Variants in STAMBP observed in about 807,000 individuals in gnomAD.
STAMBP encodes STAM-binding protein.
STAMBP carries 31 observed loss-of-function variants against 50.7 expected under a neutral mutation model. That is an observed-to-expected ratio of 0.61 (90% CI 0.46 to 0.83). The LOEUF (loss-of-function observed/expected upper bound fraction) is 0.83. Among genes scored for constraint, STAMBP ranks in the 40% least tolerant of loss-of-function variants. The probability of loss-of-function intolerance (pLI) is 0.00; values close to 1 mark genes in which losing one functional copy is unlikely to be tolerated. For synonymous variants in STAMBP, 211 were observed against 192.4 expected, an observed-to-expected ratio of 1.10 and a Z score of -0.80; for missense variants, 472 against 518.9, an observed-to-expected ratio of 0.91 and a Z score of 0.88.
Position 73,857,995 on chromosome 2 carries a change from T to C in STAMBP, c.1006-1259T>C, listed in dbSNP as rs547761872. On this transcript the variant is annotated intron_variant, in intron 7 of 9. Coordinates refer to ENST00000394070, the MANE Select transcript of STAMBP (RefSeq NM_213622.4). ...TTATACTCCTTATTTCTTTTTCTTT[T>C]TTTTTGAGATGGAGTCTCGCTCTGT... is the stretch of plus-strand genomic sequence containing the variant. Among the ~76,000 whole-genome samples, 4 of 152,092 alleles carry C rather than the reference T, an allele frequency of 2.6e-5. No individual in the cohort carries two copies. The East Asian group carries it at 5.8e-4, about 22-fold the overall frequency.
downstream of STAMBP, among the ~76,000 whole-genome samples, chr2:73,871,254 T>C (rs559512603): frequency 1.3e-5 from 2 of 152,232 alleles, no homozygotes; most frequent in South Asian, 2.1e-4. Flanking sequence ...TAAAATTCTT[T>C]TAATTGCGGC....
chr2:73,865,934 C>T lies in STAMBP; in HGVS notation c.*3675C>T, dbSNP rs1280364120. The T allele has an allele frequency of 6.6e-6, 1 of 152,208 alleles. No homozygotes were observed. The allele number at this position is 152,208 out of a possible 1,614,324, so 9.4% of individuals were successfully genotyped here. A position where few individuals can be genotyped will look rare whatever the true frequency, so the allele number is the denominator to read the frequency against. ...AAACTGAGGACCTCAAGAACCATTC[C>T]AAATTTCTACTCATTCTCCCTAAGA... On this transcript the variant is annotated 3_prime_UTR_variant, in exon 10 of 10. Coordinates refer to ENST00000394070, the MANE Select transcript of STAMBP (RefSeq NM_213622.4).
chr2:73,859,678 A>G (rs563613355), intron 8 of STAMBP, among the ~76,000 whole-genome samples: 1 of 149,290 alleles, frequency 6.7e-6, no homozygotes, highest in South Asian at 2.1e-4. Flanking sequence ...AAAATCATAA[A>G]ATATAAAAAA....
At chr2:73,838,986 C>T (rs982354169) in intron 2 of STAMBP, among the ~76,000 whole-genome samples, 8 of 152,174 alleles carry the variant, frequency 5.3e-5, no homozygotes, top group Non-Finnish European at 8.8e-5. Context: ...TTACTTAGTA[C>T]ATTCCTATCA....
In STAMBP at chr2:73,847,517, T is replaced by TCCGGAAC. The variant is rs1425634621; in HGVS notation, c.508_514dup (p.Gln172ProfsTer30). On this transcript the variant is annotated frameshift_variant, in exon 5 of 10. Transcript: ENST00000394070. LOFTEE classifies it high-confidence loss of function. The stretch of plus-strand genomic sequence containing the variant: ...CAGTTCCATGCCTTCGAGGAGATGA[T>TCCGGAAC]CCGGAACCAGGAGCTAGAAAAAGAG... 1 of 1,614,120 alleles carries TCCGGAAC rather than the reference T, an allele frequency of 6.2e-7. No homozygotes were observed. Among genetic ancestry groups the TCCGGAAC allele is most frequent in the Non-Finnish European group, 8.5e-7 (1 of 1,180,034 alleles).
intron 2 of STAMBP, among the ~76,000 whole-genome samples, chr2:73,842,149 C>T (rs531750057): frequency 1.3e-4 from 20 of 152,228 alleles, no homozygotes; most frequent in East Asian, 1.2e-3. Context: ...TAAATAAATA[C>T]GGCAGGCTAA....
intron 2 of STAMBP, among the ~76,000 whole-genome samples, chr2:73,843,406 G>GTATATGTATATATATATATATATA (rs1553380272): frequency 1.5e-5 from 2 of 129,940 alleles, no homozygotes; most frequent in African/African-American, 6.7e-5. Flanking sequence ...GTTTGTGTAT[G>GTATATGTATATATATATATATATA]TATATATATA....
intron 2 of STAMBP, among the ~76,000 whole-genome samples, chr2:73,834,000 C>CAGG (rs1244630959): frequency 6.6e-6 from 1 of 151,372 alleles, no homozygotes; most frequent in Non-Finnish European, 1.5e-5. Context: ...CACTTGAGGT[C>CAGG]AGGAGTTCAA....
At chr2:73,830,650 C>G (rs1673786473) in intron 1 of STAMBP, among the ~76,000 whole-genome samples, 195 bp from the exon 2 acceptor site, 1 of 152,238 alleles carries the variant, frequency 6.6e-6, no homozygotes, top group Non-Finnish European at 1.5e-5. Flanking sequence ...TCTGCCAGTA[C>G]TCTCATCGTT....
chr2:73,871,769 A>G (rs577512716), downstream of STAMBP, among the ~76,000 whole-genome samples: 1 of 152,070 alleles, frequency 6.6e-6, no homozygotes, highest in African/African-American at 2.4e-5. Flanking sequence ...ACTCAGCAAG[A>G]AAAAAACTTT....
Position 73,859,467 on chromosome 2 carries a change from A to G in STAMBP, c.1118+101A>G. ...TTCTTGTGGACTTGTCCTTTGTAAA[A>G]TACATAGATTATAATGTAAGTTGGT... On this transcript the variant is annotated intron_variant, in intron 8 of 9. Transcript: ENST00000394070. 1.0e-5 allele frequency: 9 copies of G among 894,090 alleles called. No homozygotes were observed. The South Asian group carries it at 1.3e-4, about 13-fold the overall frequency. The allele number at this position is 894,090 out of a possible 1,614,324, so 55.4% of individuals were successfully genotyped here.
In STAMBP at chr2:73,832,369, C is replaced by T. The variant is rs1211388580; in HGVS notation, c.203+1310C>T. 4.0e-5 allele frequency among the ~76,000 whole-genome samples: 6 copies of T among 151,174 alleles called. No individual in the cohort carries two copies. The South Asian group carries it at 8.4e-4, about 21-fold the overall frequency. On this transcript the variant is annotated intron_variant, in intron 2 of 9. Transcript: ENST00000394070. ...ACTTGGGAGGCTAAGGCAGGAGAAT[C>T]GCTTGAAACCAGGAGGCAGAGGTTG... is the stretch of plus-strand genomic sequence containing the variant.
At chr2:73,841,555 T>C (rs1675394143) in intron 2 of STAMBP, among the ~76,000 whole-genome samples, 2 of 151,626 alleles carry the variant, frequency 1.3e-5, no homozygotes, top group South Asian at 4.1e-4. Flanking sequence ...CAAGGACTTT[T>C]TTGCTTATCT....
intron 9 of STAMBP, among the ~76,000 whole-genome samples, chr2:73,861,102 A>C: frequency 6.6e-6 from 1 of 152,196 alleles, no homozygotes; most frequent in East Asian, 1.9e-4. Flanking sequence ...CACAATCAGA[A>C]AAAAAGGTCT....
At chr2:73,847,312 CT>C (rs1483170572) in intron 4 of STAMBP, 74 bp from the exon 5 acceptor site, 1 of 1,512,310 alleles carries the variant, frequency 6.6e-7, no homozygotes, top group Admixed American at 2.3e-5. Flanking sequence ...AATCTCCATG[CT>C]AAAAAGCCTT....
At chr2:73,851,194 G>A (rs1676760490) in intron 7 of STAMBP, among the ~76,000 whole-genome samples, 1 of 152,178 alleles carries the variant, frequency 6.6e-6, no homozygotes, top group Admixed American at 6.5e-5. Flanking sequence ...GGGAAAGACT[G>A]ACCTGTGAGG....
intron 2 of STAMBP, among the ~76,000 whole-genome samples, chr2:73,834,227 AAAAAAAAAAATATATATATATATATATAT>A (rs1674359241): frequency 2.0e-4 from 5 of 25,296 alleles, no homozygotes; most frequent in African/African-American, 6.4e-4. Flanking sequence ...AAAAAAAAAA[AAAAAAAAAAATATATATATATATATATAT>A]ATATATATAT....
At chr2:73,832,108 T>TATATATATATATATATATACAC (rs1006072205) in intron 2 of STAMBP, among the ~76,000 whole-genome samples, 258 of 122,772 alleles carry the variant, frequency 2.1e-3, no homozygotes, top group Middle Eastern at 4.3e-3. Flanking sequence ...TATATATATA[T>TATATATATATATATATATACAC]ACACATATAT....
At chr2:73,848,057 A>C (rs1676355988) in intron 5 of STAMBP, among the ~76,000 whole-genome samples, 1 of 152,248 alleles carries the variant, frequency 6.6e-6, no homozygotes, top group African/African-American at 2.4e-5. Flanking sequence ...AGATAACATC[A>C]TCAGACTGCT....
Sources: allele counts gnomAD v4.1 joint callset (sites outside exome capture counted in the v4.1 genomes callset), GRCh38; gene constraint gnomAD v4.1.1; transcripts MANE v1.5; gene names NCBI Gene and HGNC (gene_info 2026-07-23, HGNC 2026-07-21).